The following ZSCAN5A variants were observed in gnomAD, a reference collection of about 807,000 sequenced individuals.
ZSCAN5A encodes zinc finger and SCAN domain-containing protein 5A.
Under a neutral mutation model 23.7 loss-of-function variants are expected in ZSCAN5A, and 12 were observed. The observed-to-expected ratio is 0.51, with a 90% CI of 0.32 to 0.82. ZSCAN5A has a LOEUF of 0.82. Ranked by LOEUF, ZSCAN5A falls within the 40% of genes least tolerant of loss-of-function variation. ZSCAN5A has a pLI of 0.03. For synonymous variants in ZSCAN5A, 257 were observed against 239.9 expected (o/e 1.07, Z -0.66); for missense variants, 597 against 617.9 (o/e 0.97, Z 0.36).
chr19:56,328,994 C>CAA (rs61646242), intron 2 of ZSCAN5A, among the ~76,000 whole-genome samples: 12 of 106,418 alleles, frequency 1.1e-4, no homozygotes, highest in African/African-American at 3.6e-4. Context: ...GACTCCGTCT[C>CAA]AAAAAAAAAA....
At chr19:56,252,839 G>A (rs1364379999) in intron 2 of ZSCAN5A, among the ~76,000 whole-genome samples, 2 of 152,204 alleles carry the variant, frequency 1.3e-5, no homozygotes, top group South Asian at 2.1e-4. Context: ...AGTATGGAGA[G>A]GCCTGTGGTA....
At chr19:56,248,515 C>T (rs7251062) in intron 2 of ZSCAN5A, among the ~76,000 whole-genome samples, 85,576 of 151,832 alleles carry the variant, frequency 0.56, 26,016 homozygotes, top group Non-Finnish European at 0.7. Flanking sequence ...TGCCTCGGCC[C>T]CCCAAAGTGC....
intron 2 of ZSCAN5A, among the ~76,000 whole-genome samples, chr19:56,353,741 C>G (rs1323885897): frequency 6.6e-6 from 1 of 151,848 alleles, no homozygotes; most frequent in Admixed American, 6.6e-5. Flanking sequence ...GAGATCGTGC[C>G]ACTGCACTCC....
At chr19:56,327,816 A>T (rs2147432679) in intron 2 of ZSCAN5A, among the ~76,000 whole-genome samples, 1 of 152,118 alleles carries the variant, frequency 6.6e-6, no homozygotes, top group Non-Finnish European at 1.5e-5. Context: ...ACTGTAGTTC[A>T]TGTATTACAT....
intron 2 of ZSCAN5A, among the ~76,000 whole-genome samples, chr19:56,340,059 A>G (rs1402844505): frequency 6.6e-6 from 1 of 152,130 alleles, no homozygotes; most frequent in Non-Finnish European, 1.5e-5. Context: ...ATGGACAGAG[A>G]AAACTCACTT....
upstream of ZSCAN5A, chr19:56,316,266 C>G (rs1041209951): frequency 6.6e-6 from 1 of 152,146 alleles, no homozygotes; most frequent in Non-Finnish European, 1.5e-5. Context: ...AGCATTGCAC[C>G]ATCTGTAACA....
chr19:56,241,285 A>C (rs2035405917), intron 2 of ZSCAN5A, among the ~76,000 whole-genome samples: 1 of 152,154 alleles, frequency 6.6e-6, no homozygotes, highest in South Asian at 2.1e-4. Context: ...AAGAGACAGG[A>C]TCTCACTATG....
chr19:56,292,200 G>T (rs1023825613), intron 2 of ZSCAN5A, among the ~76,000 whole-genome samples: 1 of 152,220 alleles, frequency 6.6e-6, no homozygotes, highest in African/African-American at 2.4e-5. Flanking sequence ...AAAAGTCACT[G>T]TTTGCCACAT....
intron 2 of ZSCAN5A, among the ~76,000 whole-genome samples, chr19:56,341,710 A>AC (rs1315061315): frequency 6.7e-6 from 1 of 149,412 alleles, no homozygotes; most frequent in Non-Finnish European, 1.5e-5. Flanking sequence ...GGCAAAAAAA[A>AC]AAAAAAAAAA....
At chr19:56,348,544 G>A (rs750122451) in intron 2 of ZSCAN5A, among the ~76,000 whole-genome samples, 1 of 152,136 alleles carries the variant, frequency 6.6e-6, no homozygotes, top group Non-Finnish European at 1.5e-5. Flanking sequence ...AGGCACAAAC[G>A]CTCAATTAGC....
chr19:56,366,509 G>A (rs2041767192), intron 1 of ZSCAN5A, among the ~76,000 whole-genome samples: 1 of 151,474 alleles, frequency 6.6e-6, no homozygotes, highest in South Asian at 2.1e-4. Flanking sequence ...GGTGGCTCCA[G>A]TAGCCTGAAT....
At chr19:56,243,301 T>C (rs929733215) in intron 2 of ZSCAN5A, among the ~76,000 whole-genome samples, 4 of 152,214 alleles carry the variant, frequency 2.6e-5, no homozygotes, top group Non-Finnish European at 1.5e-5. Context: ...GTGGTGATGG[T>C]TGCACAGCAT....
At chr19:56,317,790 G>C (rs1355300883), upstream of ZSCAN5A, 2 of 152,596 alleles carry the variant, frequency 1.3e-5, no homozygotes, top group East Asian at 3.9e-4. Context: ...GTAGCTCAGA[G>C]TCTGGTTGCT....
chr19:56,281,325 CA>C (rs1447212452), intron 2 of ZSCAN5A, among the ~76,000 whole-genome samples: 1 of 150,766 alleles, frequency 6.6e-6, no homozygotes, highest in Non-Finnish European at 1.5e-5. Context: ...CCATGTAGTT[CA>C]AACCTGTATT....
At chr19:56,270,570 GT>G (rs761366820) in intron 2 of ZSCAN5A, among the ~76,000 whole-genome samples, 5 of 152,104 alleles carry the variant, frequency 3.3e-5, no homozygotes, top group Non-Finnish European at 7.4e-5. Flanking sequence ...AACGTTTTCA[GT>G]TTTCTACATT....
intron 2 of ZSCAN5A, among the ~76,000 whole-genome samples, chr19:56,300,999 G>A (rs1454196767): frequency 6.6e-6 from 1 of 152,096 alleles, no homozygotes; most frequent in Non-Finnish European, 1.5e-5. Flanking sequence ...ATGGCGTAGT[G>A]GGCAGAGGCA....
intron 2 of ZSCAN5A, among the ~76,000 whole-genome samples, chr19:56,226,568 G>A (rs1428577217): frequency 6.6e-6 from 1 of 152,178 alleles, no homozygotes; most frequent in African/African-American, 2.4e-5. Context: ...CATGGAACGA[G>A]TGTTGGTGAG....
chr19:56,292,713 A>T (rs2039602180), intron 2 of ZSCAN5A, among the ~76,000 whole-genome samples: 1 of 152,116 alleles, frequency 6.6e-6, no homozygotes, highest in South Asian at 2.1e-4. Flanking sequence ...TTAAACAGTC[A>T]GTCCCCATTC....
intron 2 of ZSCAN5A, chr19:56,297,533 T>C: frequency 1.0e-6 from 1 of 984,936 alleles, no homozygotes; most frequent in Non-Finnish European, 1.2e-6. Flanking sequence ...AGGAGGAAGG[T>C]AAGTGCTTGG....
Sources: gnomAD v4.1 joint callset for allele counts (sites outside exome capture counted in the v4.1 genomes callset) on GRCh38, gnomAD v4.1.1 for gene constraint, MANE v1.5 for transcripts, NCBI Gene and HGNC (gene_info 2026-07-23, HGNC 2026-07-21) for gene names.